The following NIBAN2 variants were observed in gnomAD, a reference collection of about 807,000 sequenced individuals.
NIBAN2 encodes protein Niban 2.
NIBAN2 carries 36 observed loss-of-function variants against 81.8 expected under a neutral mutation model. That is an observed-to-expected ratio of 0.44 (90% CI 0.34 to 0.58). The LOEUF (loss-of-function observed/expected upper bound fraction) is 0.58. Ranked by LOEUF, NIBAN2 falls within the 20% of genes least tolerant of loss-of-function variation. The probability of loss-of-function intolerance (pLI) is 0.02; values close to 1 mark genes in which losing one functional copy is unlikely to be tolerated. For synonymous variants in NIBAN2, 445 were observed against 441.6 expected (o/e 1.01, Z -0.10); for missense variants, 897 against 1,014.1 (o/e 0.88, Z 1.57).
In NIBAN2 at chr9:127,510,158, G is replaced by A. The variant is rs1317495379; in HGVS notation, c.1149C>T (p.Asp383=). The change falls in exon 9 of 14, where the codon GAC becomes GAT. Residue 383 remains aspartate, a synonymous_variant. Coordinates refer to ENST00000373312, the MANE Select transcript of NIBAN2 (RefSeq NM_022833.4). ...GTGCCGGCCTCACCTCGCCCAGCTTGTCAATGCCGCCCTCGTTGATGACGT... is the reference window on the plus strand; with the variant it reads ...GTGCCGGCCTCACCTCGCCCAGCTTATCAATGCCGCCCTCGTTGATGACGT... ...NLNVINEGGI[D]KLGEYMEKLS... 2 of 1,611,770 alleles carry A rather than the reference G, an allele frequency of 1.2e-6. No homozygotes were observed. The highest frequency in any genetic ancestry group is 2.2e-5 in the East Asian group (1 of 44,802).
intron 1 of NIBAN2, among the ~76,000 whole-genome samples, chr9:127,544,306 C>G (rs1051858355): frequency 5.9e-5 from 9 of 152,098 alleles, no homozygotes; most frequent in Non-Finnish European, 1.3e-4. Flanking sequence ...GAGCTCAGAA[C>G]AGCCTCTCTG....
In NIBAN2 at chr9:127,517,844, C is replaced by G; in HGVS notation, c.687G>C (p.Leu229=). ...GCCTCACCTGCACCTCGTTCCCACA[C>G]AGCATCTCCCAGGTGCCGTACAGCT... is the stretch of plus-strand genomic sequence containing the variant. The part of the protein sequence containing the change: ...SKELYGTWEM[L]CGNEVQILSN... Residue 229 remains leucine, a synonymous_variant, in exon 6 of 14, where the codon CTG becomes CTC. Transcript: ENST00000373312. The surrounding 1 kb of genome is among the most constrained non-coding windows in gnomAD (Gnocchi z 4.0). 6.2e-7 allele frequency: 1 copy of G among 1,613,756 alleles called. No homozygotes were observed. The highest frequency in any genetic ancestry group is 1.7e-4 in the Middle Eastern group (1 of 6,060).
chr9:127,536,107 GC>G lies in NIBAN2; in HGVS notation c.56-4330del, dbSNP rs1371291392. Among the ~76,000 whole-genome samples, 1 of 152,134 alleles carries G rather than the reference GC, an allele frequency of 6.6e-6. No individual in the cohort carries two copies. Among genetic ancestry groups the G allele is most frequent in the African/African-American group, 2.4e-5 (1 of 41,422 alleles). ...CACGGATGGCTCCTTGGCAGGGGTAGCCCCGAGCACATTCTTGAGAGATGTC... is the reference window on the plus strand; with the variant it reads ...CACGGATGGCTCCTTGGCAGGGGTAGCCCGAGCACATTCTTGAGAGATGTC... On this transcript the variant is annotated intron_variant, in intron 1 of 13. Transcript: ENST00000373312. The surrounding 1 kb of genome is among the most constrained non-coding windows in gnomAD (Gnocchi z 4.0).
intron 1 of NIBAN2, among the ~76,000 whole-genome samples, chr9:127,544,069 T>C (rs193205860): frequency 6.6e-6 from 1 of 152,210 alleles, no homozygotes; most frequent in African/African-American, 2.4e-5. Context: ...GCAAGCCTGC[T>C]TCTGTTCGCT....
At chr9:127,570,412 TCCC>T (rs942362406), upstream of NIBAN2, among the ~76,000 whole-genome samples, 1 of 152,112 alleles carries the variant, frequency 6.6e-6, no homozygotes, top group Admixed American at 6.5e-5. Flanking sequence ...CAAGCTGCCC[TCCC>T]CTCTGTGACC....
At position 127,523,785 on chromosome 9, in the gene NIBAN2, G is replaced by A. The variant is rs1174867461; in HGVS notation, c.483C>T (p.Ile161=). ...AGTGACGCGCATAAGGATGCCAGAG[G>A]ATGAGCGGGAACTGTGTGGGGCACT... is the stretch of plus-strand genomic sequence containing the variant. ...ILKCPTQFPL[I]LWHPYARHYY... is the part of the protein sequence containing the mutation. Residue 161 remains isoleucine, a synonymous_variant, in exon 5 of 14, where the codon ATC becomes ATT. Transcript: ENST00000373312. 2 of 1,614,122 alleles carry A rather than the reference G, an allele frequency of 1.2e-6. No individual in the cohort carries two copies. The highest frequency in any genetic ancestry group is 4.5e-5 in the East Asian group (2 of 44,878).
At position 127,507,415 on chromosome 9, in the gene NIBAN2, C is replaced by T. The variant is rs369527501; in HGVS notation, c.1671G>A (p.Ala557=). 36 of 1,511,900 alleles carry T rather than the reference C, an allele frequency of 2.4e-5. 2 individuals carry two copies. The highest frequency in any genetic ancestry group is 2.2e-4 in the South Asian group (16 of 74,386). 93.7% of individuals were successfully genotyped at this position (1,511,900 alleles called of 1,614,324 possible). Residue 557 remains alanine (A), a synonymous_variant, in exon 14 of 14, where the codon GCG becomes GCA. Coordinates refer to ENST00000373312, the MANE Select transcript of NIBAN2 (RefSeq NM_022833.4). This position sits in a 1 kb window ranked among gnomAD's most constrained non-coding sequence, Gnocchi z 6.8. ...GGTAGAGGTTGTGCTTCCTCTGCAC[C>T]GCGGCCTCCTTCACAGCTACAGGGC... ...KDILQAVKEA[A]VQRKHNLYRD... is the part of the protein sequence containing the mutation.
Position 127,575,590 on chromosome 9 carries a change from C to T in NIBAN2, c.16+3332G>A, listed in dbSNP as rs1362737102. 4.4e-5 allele frequency among the ~76,000 whole-genome samples: 6 copies of T among 137,770 alleles called. 1 individual carries two copies. The Middle Eastern group carries it at 0.024, about 557-fold the overall frequency. 90.4% of individuals were successfully genotyped at this position (137,770 alleles called of 152,430 possible). On this transcript the variant is annotated intron_variant, in intron 1 of 13. Coordinates refer to the NIBAN2 transcript ENST00000373314. Reference sequence around the variant, plus strand: ...TGTCGTCCAGGCTGGAGTGCAGTGGCGGGATCTCTGCTCACTGCAACCTCC... The same window carrying T: ...TGTCGTCCAGGCTGGAGTGCAGTGGTGGGATCTCTGCTCACTGCAACCTCC...
At chr9:127,538,257 A>G (rs1441173323) in intron 1 of NIBAN2, among the ~76,000 whole-genome samples, 30 of 152,182 alleles carry the variant, frequency 2.0e-4, no homozygotes. Flanking sequence ...GGACCCCCTC[A>G]CAAGCCAGTC....
intron 1 of NIBAN2, among the ~76,000 whole-genome samples, chr9:127,533,272 C>T (rs956685879): frequency 3.3e-5 from 5 of 151,614 alleles, no homozygotes; most frequent in Admixed American, 6.6e-5. Context: ...CTGGCTAACA[C>T]GGTGAAACCC....
chr9:127,552,918 C>T lies in NIBAN2; in HGVS notation c.55+15902G>A, dbSNP rs540612081. Among the ~76,000 whole-genome samples the T allele has an allele frequency of 9.9e-5, 15 of 152,106 alleles. No individual in the cohort carries two copies. The East Asian group carries it at 1.7e-3, about 18-fold the overall frequency. ...TGTTGGCCAGGCTGGTCTCCAACTC[C>T]GGACCTCAGGTGATCCGCCTGTCTC... On this transcript the variant is annotated intron_variant, in intron 1 of 13. Coordinates refer to ENST00000373312, the MANE Select transcript of NIBAN2 (RefSeq NM_022833.4).
intron 5 of NIBAN2, among the ~76,000 whole-genome samples, chr9:127,522,290 G>A (rs1405771105): frequency 6.6e-6 from 1 of 152,162 alleles, no homozygotes; most frequent in African/African-American, 2.4e-5. Context: ...GAGGGGTGGG[G>A]TGAGCTGAGT....
intron 1 of NIBAN2, among the ~76,000 whole-genome samples, chr9:127,575,812 A>G (rs1057027550): frequency 6.6e-6 from 1 of 152,140 alleles, no homozygotes; most frequent in African/African-American, 2.4e-5. Context: ...TACAGGCGTG[A>G]GCCACCGTGC....
intron 8 of NIBAN2, among the ~76,000 whole-genome samples, chr9:127,510,862 T>C (rs747028389): frequency 1.3e-5 from 2 of 152,096 alleles, no homozygotes; most frequent in Admixed American, 1.3e-4. Flanking sequence ...CCTCCTAATA[T>C]TATTATCATT....
intron 1 of NIBAN2, among the ~76,000 whole-genome samples, chr9:127,532,010 T>C (rs1837193765): frequency 6.6e-6 from 1 of 152,198 alleles, no homozygotes; most frequent in Non-Finnish European, 1.5e-5. Flanking sequence ...GTAATGGCCA[T>C]AGACAGAGAA....
rs1275513551 is a variant in NIBAN2 at position 127,559,526 on chromosome 9, G to A, written c.55+9294C>T. Among the ~76,000 whole-genome samples the A allele has an allele frequency of 6.6e-6, 1 of 152,220 alleles. No individual in the cohort carries two copies. Among genetic ancestry groups the A allele is most frequent in the Non-Finnish European group, 1.5e-5 (1 of 68,030 alleles). On this transcript the variant is annotated intron_variant, in intron 1 of 13. Transcript: ENST00000373312. This position sits in a 1 kb window ranked among gnomAD's most constrained non-coding sequence, Gnocchi z 4.0. Reference sequence around the variant, plus strand: ...AATAAATCAGAGGTGACTGGAGCACGAGTGGGTGGGCAGCTTCTTCCCAAG... The same window carrying A: ...AATAAATCAGAGGTGACTGGAGCACAAGTGGGTGGGCAGCTTCTTCCCAAG...
At position 127,538,533 on chromosome 9, in the gene NIBAN2, A is replaced by G. The variant is rs886924412; in HGVS notation, c.56-6755T>C. 8.6e-5 allele frequency among the ~76,000 whole-genome samples: 13 copies of G among 152,040 alleles called. No individual in the cohort carries two copies. In the East Asian group the frequency reaches 2.5e-3, roughly 29 times the overall value. On this transcript the variant is annotated intron_variant, in intron 1 of 13. Transcript: ENST00000373312. ...TCCCAGCTACTCAGGAGGCTGAGGC[A>G]GGAGAATCACTTCAATCTGAGAGGC...
At chr9:127,541,609 G>A (rs935656665) in intron 1 of NIBAN2, among the ~76,000 whole-genome samples, 6 of 152,106 alleles carry the variant, frequency 3.9e-5, no homozygotes, top group African/African-American at 1.2e-4. Flanking sequence ...GGGGTGGGAG[G>A]GGTAATGACA....
intron 2 of NIBAN2, among the ~76,000 whole-genome samples, chr9:127,530,916 C>T (rs1055167472): frequency 2.0e-5 from 3 of 151,878 alleles, no homozygotes; most frequent in African/African-American, 4.8e-5. Flanking sequence ...TGGTGGCTCA[C>T]GCCTGTAATC....
Sources: allele counts gnomAD v4.1 joint callset (sites outside exome capture counted in the v4.1 genomes callset), GRCh38; gene constraint gnomAD v4.1.1; non-coding constraint Gnocchi (gnomAD v3.1); transcripts MANE v1.5; gene names NCBI Gene and HGNC (gene_info 2026-07-23, HGNC 2026-07-21).